WDR36: variants seen among roughly 807,000 people sequenced by gnomAD.
WDR36 encodes the protein WD repeat-containing protein 36.
Under a neutral mutation model 112.7 loss-of-function variants are expected in WDR36, and 63 were observed. The observed-to-expected ratio is 0.56, with a 90% confidence interval of 0.46 to 0.69. The LOEUF is 0.69. WDR36 is among the 30% of genes least tolerant of loss of function. The pLI is 0.00. For synonymous variants in WDR36, 410 were observed against 362.2 expected, an observed-to-expected ratio of 1.13 and a Z score of -1.50; for missense variants, 1,226 against 1,070.3, an observed-to-expected ratio of 1.15 and a Z score of -2.03.
intron 1 of WDR36, among the ~76,000 whole-genome samples, chr5:111,093,122 A>C (rs1355098792): frequency 6.6e-6 from 1 of 152,240 alleles, no homozygotes; most frequent in African/African-American, 2.4e-5. Flanking sequence ...AGTGTCTGGC[A>C]CTGTCACTCT....
chr5:111,112,366 A>G (rs1753359238), intron 15 of WDR36, among the ~76,000 whole-genome samples: 1 of 151,918 alleles, frequency 6.6e-6, no homozygotes, highest in African/African-American at 2.4e-5. Flanking sequence ...AAATTGATCT[A>G]TCTATAACTT....
At position 111,092,361 on chromosome 5, in the gene WDR36, C is replaced by T. The variant is rs368570444; in HGVS notation, c.-96C>T. On this transcript the variant is annotated 5_prime_UTR_variant, in exon 1 of 23. Transcript: ENST00000513710. Reference sequence around the variant, plus strand: ...GCCGGAAGCGGTGTTGTGTCTGCAGCTCTGGCAGAGGACTGTTCCACTAGA... The same window carrying T: ...GCCGGAAGCGGTGTTGTGTCTGCAGTTCTGGCAGAGGACTGTTCCACTAGA... 5.0e-6 allele frequency: 8 copies of T among 1,614,132 alleles called. No individual in the cohort carries two copies. The Admixed American group carries it at 6.7e-5, about 13-fold the overall frequency.
intron 14 of WDR36, 76 bp downstream of exon 14, chr5:111,111,029 G>A: frequency 6.3e-7 from 1 of 1,578,482 alleles, no homozygotes. Context: ...TACCAAGTGG[G>A]AAAAATCAGA....
chr5:111,126,227 GGTTT>G (rs972806068), intron 22 of WDR36, among the ~76,000 whole-genome samples: 7 of 151,486 alleles, frequency 4.6e-5, no homozygotes, highest in Non-Finnish European at 8.8e-5. Context: ...TAGAAAGTTG[GGTTT>G]GTTTGTTTTT....
At chr5:111,126,398 T>C (rs1414448645) in intron 22 of WDR36, among the ~76,000 whole-genome samples, 1 of 152,148 alleles carries the variant, frequency 6.6e-6, no homozygotes, top group Non-Finnish European at 1.5e-5. Flanking sequence ...AGGTAGATGA[T>C]GCCGATTTTT....
chr5:111,103,637 T>A, intron 6 of WDR36, 149 bp from the exon 7 acceptor site: 1 of 969,686 alleles, frequency 1.0e-6, no homozygotes. Flanking sequence ...AAAGTATGCT[T>A]GAATGGTAAT....
At chr5:111,108,491 A>G (rs1440500451) in intron 12 of WDR36, among the ~76,000 whole-genome samples, 4 of 151,320 alleles carry the variant, frequency 2.6e-5, no homozygotes, top group Non-Finnish European at 5.9e-5. Flanking sequence ...TAGTATGAAA[A>G]TCCAGTCTTA....
rs1753712392 is a variant in WDR36 at position 111,128,165 on chromosome 5, A to C, written c.*1282A>C. The C allele has an allele frequency of 5.2e-6, 1 of 191,444 alleles. No individual in the cohort carries two copies. The highest frequency in any genetic ancestry group is 1.1e-5 in the Non-Finnish European group (1 of 91,492). The allele number at this position is 191,444 out of a possible 1,614,324, so 11.9% of individuals were successfully genotyped here. A position where few individuals can be genotyped will look rare whatever the true frequency, so the allele number is the denominator to read the frequency against. ...AAAACTATTCTTAGTTTATACCCTCAAAAGTTGGGTCTTTCATGAAACACA... is the reference window on the plus strand; with the variant it reads ...AAAACTATTCTTAGTTTATACCCTCCAAAGTTGGGTCTTTCATGAAACACA... On this transcript the variant is annotated 3_prime_UTR_variant, in exon 23 of 23. Coordinates refer to ENST00000513710, the MANE Select transcript of WDR36 (RefSeq NM_139281.3).
chr5:111,100,806 C>T (rs1580392301), intron 5 of WDR36, 85 bp downstream of exon 5: 3 of 1,368,672 alleles, frequency 2.2e-6, no homozygotes, highest in Non-Finnish European at 3.0e-6. Context: ...CTCATTTCTC[C>T]CTGCCCTTGT....
In WDR36 at chr5:111,125,741, G is replaced by A. The variant is rs1753573838; in HGVS notation, c.2484G>A (p.Leu828=). ...TCTTGAAAATGATTGGGATGATGCT[G>A]GACAGAAAGCGTGATTTTGAGTTAG... ...QSFLKMIGMM[L]DRKRDFELAQ... is the part of the protein sequence containing the mutation. The change falls in exon 22 of 23, where the codon CTG becomes CTA. Residue 828 remains leucine (L), a synonymous_variant. Coordinates refer to ENST00000513710, the MANE Select transcript of WDR36 (RefSeq NM_139281.3). 6.2e-7 allele frequency: 1 copy of A among 1,613,720 alleles called. No homozygotes were observed. Among genetic ancestry groups the A allele is most frequent in the African/African-American group, 1.3e-5 (1 of 74,898 alleles).
At chr5:111,118,489 G>A (rs1753500781) in intron 16 of WDR36, among the ~76,000 whole-genome samples, 1 of 152,020 alleles carries the variant, frequency 6.6e-6, no homozygotes, top group Non-Finnish European at 1.5e-5. Flanking sequence ...AATTTTCATG[G>A]TGTTTCATGT....
At chr5:111,123,715 G>T in intron 19 of WDR36, 90 bp from the exon 20 acceptor site, 2 of 1,499,840 alleles carry the variant, frequency 1.3e-6, no homozygotes, top group Admixed American at 1.8e-5. Context: ...TTTACTTTTT[G>T]GTATTTGTTT....
chr5:111,098,341 A>G (rs965380240), intron 3 of WDR36, among the ~76,000 whole-genome samples: 7 of 152,144 alleles, frequency 4.6e-5, no homozygotes, highest in Admixed American at 4.6e-4. Flanking sequence ...CCAGTTGGTG[A>G]TGGAGTCTTT....
chr5:111,097,315 GT>G, intron 3 of WDR36, 136 bp downstream of exon 3: 7 of 669,148 alleles, frequency 1.0e-5, no homozygotes. Flanking sequence ...TGTATATTCA[GT>G]TTTCTGGAGG....
intron 20 of WDR36, 28 bp downstream of exon 20, chr5:111,123,952 T>C (rs776295202): frequency 1.2e-6 from 2 of 1,612,766 alleles, no homozygotes; most frequent in Non-Finnish European, 1.7e-6. Flanking sequence ...AGATTCTAAG[T>C]ATATCGGTGT....
intron 22 of WDR36, 50 bp from the exon 23 acceptor site, chr5:111,126,684 G>C (rs182176262): frequency 6.3e-7 from 1 of 1,593,876 alleles, no homozygotes; most frequent in Admixed American, 1.7e-5. Context: ...TCCAGATTAG[G>C]TAAAATTTTA....
Position 111,111,216 on chromosome 5 carries a change from G to T in WDR36, c.1654G>T (p.Asp552Tyr). 1 of 1,611,840 alleles carries T rather than the reference G, an allele frequency of 6.2e-7. No individual in the cohort carries two copies. The stretch of plus-strand genomic sequence containing the variant: ...GGATGACTTCTCCATTAGTGTTCTG[G>T]ACATAGAAACTAGGAAGATTGTCAG... The part of the protein sequence containing the change: ...ALDDFSISVL[D>Y]IETRKIVREF... The change falls in exon 15 of 23, where the codon GAC (aspartate) becomes TAC (tyrosine). Residue 552 changes from aspartate (D) to tyrosine (Y), a missense_variant. Physicochemically the swap from Asp to Tyr is radical, Grantham distance 160. Coordinates refer to ENST00000513710, the MANE Select transcript of WDR36 (RefSeq NM_139281.3).
At chr5:111,125,507 TAC>T in intron 21 of WDR36, 99 bp from the exon 22 acceptor site, 1 of 1,218,256 alleles carries the variant, frequency 8.2e-7, no homozygotes, top group Non-Finnish European at 1.1e-6. Flanking sequence ...GAATTTCCTG[TAC>T]CATTTAAATA....
Position 111,110,968 on chromosome 5 carries a change from A to C in WDR36, c.1607+15A>C, listed in dbSNP as rs547991800. 1.7e-5 allele frequency: 28 copies of C among 1,610,350 alleles called. 1 individual carries two copies. In the South Asian group the frequency reaches 2.7e-4, roughly 16 times the overall value. The stretch of plus-strand genomic sequence containing the variant: ...CATAGGGACAGGTAAACTTTTAATG[A>C]TAATGGATTTTCTCTTTGATTCTTT... On this transcript the variant is annotated intron_variant, in intron 14 of 22. Coordinates refer to ENST00000513710, the MANE Select transcript of WDR36 (RefSeq NM_139281.3).
Sources: gnomAD v4.1 joint callset for allele counts (sites outside exome capture counted in the v4.1 genomes callset) on GRCh38, gnomAD v4.1.1 for gene constraint, MANE v1.5 for transcripts, NCBI Gene and HGNC (gene_info 2026-07-23, HGNC 2026-07-21) for gene names.